Variants in TCEANC2 observed in about 807,000 individuals in gnomAD.
TCEANC2 encodes transcription elongation factor A N-terminal and central domain-containing protein 2.
A neutral mutation model predicts 22.8 loss-of-function variants in TCEANC2; 20 were observed. The ratio of observed to expected loss-of-function variants is 0.88; its 90% CI spans 0.62 to 1.28. TCEANC2 has a LOEUF of 1.28. Ranked by LOEUF, TCEANC2 falls within the 50% of genes most tolerant of loss-of-function variation. The probability of loss-of-function intolerance (pLI) is 0.00; values close to 1 mark genes in which losing one functional copy is unlikely to be tolerated. For synonymous variants in TCEANC2, 84 were observed against 95.5 expected, an observed-to-expected ratio of 0.88 and a Z score of 0.70; for missense variants, 251 against 249.7, an observed-to-expected ratio of 1.01 and a Z score of -0.03.
intron 2 of TCEANC2, 130 bp downstream of exon 2, chr1:54,054,654 T>A: frequency 2.2e-6 from 2 of 892,570 alleles, no homozygotes; most frequent in Non-Finnish European, 3.3e-6. Context: ...ACCTGACCAC[T>A]CCTCCTTTGT....
chr1:54,104,093 A>G lies in TCEANC2; in HGVS notation c.*7620A>G, dbSNP rs1658704834. 6.6e-6 allele frequency: 1 copy of G among 152,250 alleles called. No homozygotes were observed. Among genetic ancestry groups the G allele is most frequent in the Non-Finnish European group, 1.5e-5 (1 of 68,078 alleles). The allele number at this position is 152,250 out of a possible 1,614,324, so 9.4% of individuals were successfully genotyped here. A position where few individuals can be genotyped will look rare whatever the true frequency, so the allele number is the denominator to read the frequency against. ...CAGAAACCCTGAGAGAAGAGCTGCC[A>G]TCCTCCAGGGTGCAGCACATGTTCG... On this transcript the variant is annotated 3_prime_UTR_variant, in exon 5 of 5. Transcript: ENST00000234827.
Position 54,080,253 on chromosome 1 carries a change from C to T in TCEANC2, c.245-8344C>T, listed in dbSNP as rs574796033. On this transcript the variant is annotated intron_variant, in intron 3 of 4. Coordinates refer to ENST00000234827, the MANE Select transcript of TCEANC2 (RefSeq NM_153035.3). Reference sequence around the variant, plus strand: ...CCGACTCCTGGGTTCAGGCGATTCTCGTGCCTCAGCCTCCCGATTAGCTGG... The same window carrying T: ...CCGACTCCTGGGTTCAGGCGATTCTTGTGCCTCAGCCTCCCGATTAGCTGG... Among the ~76,000 whole-genome samples the T allele has an allele frequency of 6.6e-5, 10 of 151,720 alleles. No homozygotes were observed. In the South Asian group the frequency reaches 1.2e-3, roughly 19 times the overall value.
chr1:54,096,345 A>G lies in TCEANC2; in HGVS notation c.499A>G (p.Ile167Val). The G allele has an allele frequency of 6.2e-7, 1 of 1,609,854 alleles. No individual in the cohort carries two copies. The highest frequency in any genetic ancestry group is 8.5e-7 in the Non-Finnish European group (1 of 1,176,312). ...RETFHLCSRLINGPYRRTVRA... is the reference protein window; with the variant it reads ...RETFHLCSRLVNGPYRRTVRA... The stretch of plus-strand genomic sequence containing the variant: ...AACGTTTCATCTCTGCTCCCGCCTC[A>G]TTAATGGGCCGTACCGGCGGACGGT... The change falls in exon 5 of 5, where the codon ATT (isoleucine) becomes GTT (valine). Residue 167 changes from isoleucine (I) to valine (V), a missense_variant. Ile to Val is a conservative substitution (Grantham distance 29). Coordinates refer to ENST00000234827, the MANE Select transcript of TCEANC2 (RefSeq NM_153035.3). The surrounding 1 kb of genome is among the most constrained non-coding windows in gnomAD (Gnocchi z 4.9).
intron 3 of TCEANC2, among the ~76,000 whole-genome samples, chr1:54,086,016 G>A (rs376633302): frequency 6.6e-6 from 1 of 152,162 alleles, no homozygotes; most frequent in Non-Finnish European, 1.5e-5. Context: ...TTATAGGCAT[G>A]AGCCACTGCA....
chr1:54,084,590 G>A (rs992437367), intron 3 of TCEANC2, among the ~76,000 whole-genome samples: 8 of 151,998 alleles, frequency 5.3e-5, no homozygotes, highest in Non-Finnish European at 8.8e-5. Flanking sequence ...GGCCGGGCTC[G>A]GTGGCTCACA....
At chr1:54,054,243 A>G (rs1657693744) in intron 1 of TCEANC2, 138 bp from the exon 2 acceptor site, 1 of 1,438,346 alleles carries the variant, frequency 7.0e-7, no homozygotes, top group Admixed American at 3.0e-5. Flanking sequence ...TTAAAGAGAA[A>G]ATCTTACTTC....
intron 2 of TCEANC2, among the ~76,000 whole-genome samples, chr1:54,058,368 C>T (rs1657791517): frequency 1.3e-5 from 2 of 152,150 alleles, no homozygotes; most frequent in South Asian, 2.1e-4. Flanking sequence ...TATCATTGCA[C>T]TTATTTGTGC....
At chr1:54,078,413 A>G (rs1425299650) in intron 3 of TCEANC2, among the ~76,000 whole-genome samples, 2 of 152,106 alleles carry the variant, frequency 1.3e-5, no homozygotes, top group Non-Finnish European at 2.9e-5. Context: ...GCAGGATGCC[A>G]TTGTGCCCTG....
At chr1:54,108,538 A>G (rs1004459622), downstream of TCEANC2, among the ~76,000 whole-genome samples, 2 of 152,204 alleles carry the variant, frequency 1.3e-5, no homozygotes, top group African/African-American at 4.8e-5. Context: ...GCCTCAGAAG[A>G]AACCAAACCC....
intron 2 of TCEANC2, among the ~76,000 whole-genome samples, chr1:54,059,579 G>C (rs1168767277): frequency 6.6e-6 from 1 of 152,232 alleles, no homozygotes; most frequent in African/African-American, 2.4e-5. Context: ...CTCTAAGGGA[G>C]TTAATCCTTC....
intron 2 of TCEANC2, among the ~76,000 whole-genome samples, chr1:54,066,586 TA>T (rs1241623394): frequency 6.6e-6 from 1 of 152,196 alleles, no homozygotes; most frequent in Non-Finnish European, 1.5e-5. Context: ...AACTGCCTAA[TA>T]GGGGAATAGT....
intron 3 of TCEANC2, among the ~76,000 whole-genome samples, chr1:54,085,755 G>T (rs1054043078): frequency 6.6e-6 from 1 of 151,836 alleles, no homozygotes; most frequent in Non-Finnish European, 1.5e-5. Context: ...CTTTTCTTAG[G>T]CAGGGTCTTG....
At chr1:54,056,515 T>TG in intron 2 of TCEANC2, among the ~76,000 whole-genome samples, 1 of 151,812 alleles carries the variant, frequency 6.6e-6, no homozygotes, top group Non-Finnish European at 1.5e-5. Context: ...TTAGTAGAGA[T>TG]GGGGTTTCAC....
intron 4 of TCEANC2, among the ~76,000 whole-genome samples, chr1:54,091,150 C>CA (rs11428267): frequency 0.35 from 49,441 of 142,846 alleles, 8,324 homozygotes; most frequent in Admixed American, 0.46. Context: ...CGTCCTTAGC[C>CA]AAAAAAAAAA....
chr1:54,110,565 C>T (rs189332718), downstream of TCEANC2, among the ~76,000 whole-genome samples: 2 of 152,246 alleles, frequency 1.3e-5, no homozygotes, highest in East Asian at 3.9e-4. Context: ...AATTGCGCCA[C>T]TGCACTCCAG....
At chr1:54,062,540 A>G (rs560619394) in intron 2 of TCEANC2, among the ~76,000 whole-genome samples, 1 of 152,216 alleles carries the variant, frequency 6.6e-6, no homozygotes, top group Admixed American at 6.5e-5. Context: ...TAAATGAGAA[A>G]TGGTTCCAGC....
Position 54,099,277 on chromosome 1 carries a change from G to A in TCEANC2, c.*2804G>A, listed in dbSNP as rs1658611567. Reference sequence around the variant, plus strand: ...TTGCAGAGATGTGCTTTGGAGATTTGGAAAGCAGGCTGTGTTATTTGTGGC... The same window carrying A: ...TTGCAGAGATGTGCTTTGGAGATTTAGAAAGCAGGCTGTGTTATTTGTGGC... On this transcript the variant is annotated 3_prime_UTR_variant, in exon 5 of 5. Coordinates refer to ENST00000234827, the MANE Select transcript of TCEANC2 (RefSeq NM_153035.3). 1 of 152,232 alleles carries A rather than the reference G, an allele frequency of 6.6e-6. No homozygotes were observed. Among genetic ancestry groups the A allele is most frequent in the African/African-American group, 2.4e-5 (1 of 41,468 alleles). 9.4% of individuals were successfully genotyped at this position (152,232 alleles called of 1,614,324 possible).
rs1490887050 is a variant in TCEANC2, at chr1:54,096,662, G to A, written c.*189G>A. 2.6e-5 allele frequency: 33 copies of A among 1,285,626 alleles called. No homozygotes were observed. The highest frequency in any genetic ancestry group is 3.3e-5 in the Non-Finnish European group (33 of 990,964). The allele number at this position is 1,285,626 out of a possible 1,614,324, so 79.6% of individuals were successfully genotyped here. Reference sequence around the variant, plus strand: ...AGGCCTGCAGGAATGTGCTTCATTAGCTGCAGTGCGCTGGTGCTGCCTAAC... The same window carrying A: ...AGGCCTGCAGGAATGTGCTTCATTAACTGCAGTGCGCTGGTGCTGCCTAAC... On this transcript the variant is annotated 3_prime_UTR_variant, in exon 5 of 5. Coordinates refer to ENST00000234827, the MANE Select transcript of TCEANC2 (RefSeq NM_153035.3). This position sits in a 1 kb window ranked among gnomAD's most constrained non-coding sequence, Gnocchi z 4.9.
downstream of TCEANC2, among the ~76,000 whole-genome samples, chr1:54,106,651 T>A (rs934122600): frequency 6.6e-6 from 1 of 151,964 alleles, no homozygotes; most frequent in Non-Finnish European, 1.5e-5. Flanking sequence ...CATGGGAACA[T>A]CACTGAGACA....
Sources: allele counts gnomAD v4.1 joint callset (sites outside exome capture counted in the v4.1 genomes callset), GRCh38; gene constraint gnomAD v4.1.1; non-coding constraint Gnocchi (gnomAD v3.1); transcripts MANE v1.5; gene names NCBI Gene and HGNC (gene_info 2026-07-23, HGNC 2026-07-21).